The following SV2B variants were observed in gnomAD, a reference collection of about 807,000 sequenced individuals.
The protein encoded by SV2B is solute carrier family 22 member B2.
SV2B carries 41 observed loss-of-function variants against 73.9 expected under a neutral mutation model. The observed-to-expected ratio is 0.56, with a 90% CI of 0.43 to 0.72. SV2B has a LOEUF of 0.72. Among genes scored for constraint, SV2B ranks in the 30% least tolerant of loss-of-function variants. The pLI is 0.00. For missense variants in SV2B, 764 were observed against 857.8 expected, an observed-to-expected ratio of 0.89 and a Z score of 1.37; for synonymous variants, 314 against 314.2, an observed-to-expected ratio of 1.00 and a Z score of 0.01.
At chr15:91,103,707 C>T (rs560259590) in intron 1 of SV2B, among the ~76,000 whole-genome samples, 1 of 152,198 alleles carries the variant, frequency 6.6e-6, no homozygotes, top group African/African-American at 2.4e-5. Context: ...GGGCTGGATG[C>T]CTGAGAACCT....
At chr15:91,102,674 A>C (rs760449189) in intron 1 of SV2B, among the ~76,000 whole-genome samples, 1 of 152,320 alleles carries the variant, frequency 6.6e-6, no homozygotes, top group Non-Finnish European at 1.5e-5. Flanking sequence ...TGTATCAGCT[A>C]ATGAGACACT....
chr15:91,117,583 G>A (rs1055835807), intron 1 of SV2B, among the ~76,000 whole-genome samples: 2 of 152,196 alleles, frequency 1.3e-5, no homozygotes, highest in Non-Finnish European at 2.9e-5. Context: ...AGCTACCAGG[G>A]ACATATTCTT....
chr15:91,137,683 TAC>T lies in SV2B; in HGVS notation c.-392+37334_-392+37335del, dbSNP rs911748349. The stretch of plus-strand genomic sequence containing the variant: ...TATATACATATATTTCATATATATA[TAC>T]ACACACACACACATTTGCACAGGTT... On this transcript the variant is annotated intron_variant, in intron 1 of 12. Transcript: ENST00000394232. The surrounding 1 kb of genome is among the most constrained non-coding windows in gnomAD (Gnocchi z 4.9). Among the ~76,000 whole-genome samples, 152 of 148,252 alleles carry T rather than the reference TAC, an allele frequency of 1.0e-3. No individual in the cohort carries two copies. Among genetic ancestry groups the T allele is most frequent in the African/African-American group, 3.1e-3 (127 of 40,698 alleles).
intron 11 of SV2B, among the ~76,000 whole-genome samples, chr15:91,285,228 C>T (rs1201968583): frequency 6.6e-6 from 1 of 152,136 alleles, no homozygotes; most frequent in Non-Finnish European, 1.5e-5. Context: ...GCATATTCAG[C>T]GTGGTAAGCG....
chr15:91,146,767 T>C (rs1326606077), intron 1 of SV2B, among the ~76,000 whole-genome samples: 1 of 152,202 alleles, frequency 6.6e-6, no homozygotes, highest in Non-Finnish European at 1.5e-5. Flanking sequence ...CTCTGGGCTC[T>C]CTATGGGCAT....
chr15:91,241,619 G>T lies in SV2B; in HGVS notation c.452-10200G>T, dbSNP rs2047018063. 6.6e-6 allele frequency among the ~76,000 whole-genome samples: 1 copy of T among 151,690 alleles called. No homozygotes were observed. The highest frequency in any genetic ancestry group is 1.5e-5 in the Non-Finnish European group (1 of 67,790). The stretch of plus-strand genomic sequence containing the variant: ...GAGAACAACAGAAGTAACCGGAGAA[G>T]AACTTCTATAGCCCCTGTTATCACA... On this transcript the variant is annotated intron_variant, in intron 2 of 12. Coordinates refer to ENST00000394232, the MANE Select transcript of SV2B (RefSeq NM_001323032.3). The surrounding 1 kb of genome is among the most constrained non-coding windows in gnomAD (Gnocchi z 4.8).
rs975218611 is a variant in SV2B at position 91,232,625 on chromosome 15, T to C, written c.451+5911T>C. On this transcript the variant is annotated intron_variant, in intron 2 of 12. Coordinates refer to ENST00000394232, the MANE Select transcript of SV2B (RefSeq NM_001323032.3). The surrounding 1 kb of genome is among the most constrained non-coding windows in gnomAD (Gnocchi z 4.7). Reference sequence around the variant, plus strand: ...TGAATTGGTTCTGGGGTTTCTGGAATTGGCTTTCTAATCTGATTAGATTTA... The same window carrying C: ...TGAATTGGTTCTGGGGTTTCTGGAACTGGCTTTCTAATCTGATTAGATTTA... 1.4e-4 allele frequency among the ~76,000 whole-genome samples: 21 copies of C among 152,316 alleles called. No individual in the cohort carries two copies. The highest frequency in any genetic ancestry group is 4.8e-4 in the African/African-American group (20 of 41,584).
chr15:91,183,695 A>G (rs1214243234), intron 1 of SV2B, among the ~76,000 whole-genome samples: 1 of 152,262 alleles, frequency 6.6e-6, no homozygotes, highest in Non-Finnish European at 1.5e-5. Flanking sequence ...GGCATTCATC[A>G]AGATGACAAA....
chr15:91,228,662 G>A (rs958211982), intron 2 of SV2B, among the ~76,000 whole-genome samples: 8 of 152,142 alleles, frequency 5.3e-5, no homozygotes, highest in East Asian at 1.9e-4. Context: ...TGGGAGTTGC[G>A]GGAACATGGT....
chr15:91,119,689 T>A (rs957951701), intron 1 of SV2B, among the ~76,000 whole-genome samples: 5 of 152,254 alleles, frequency 3.3e-5, no homozygotes, highest in Non-Finnish European at 7.3e-5. Flanking sequence ...GTAGAAAGCT[T>A]GTTCTAGTTA....
At position 91,281,552 on chromosome 15, in the gene SV2B, C is replaced by T. The variant is rs2048681606; in HGVS notation, c.1374-176C>T. ...GACACTGGCTTCCAGGTCCTGAAGCCCTTCCCCACTAATAAACAAACAGCT... is the reference window on the plus strand; with the variant it reads ...GACACTGGCTTCCAGGTCCTGAAGCTCTTCCCCACTAATAAACAAACAGCT... On this transcript the variant is annotated intron_variant, in intron 9 of 12. Transcript: ENST00000394232. The surrounding 1 kb of genome is among the most constrained non-coding windows in gnomAD (Gnocchi z 4.7). Among the ~76,000 whole-genome samples, 1 of 152,150 alleles carries T rather than the reference C, an allele frequency of 6.6e-6. No homozygotes were observed. The highest frequency in any genetic ancestry group is 2.4e-5 in the African/African-American group (1 of 41,418).
chr15:91,256,388 A>T (rs2047690998), intron 4 of SV2B, among the ~76,000 whole-genome samples: 1 of 152,230 alleles, frequency 6.6e-6, no homozygotes, highest in African/African-American at 2.4e-5. Flanking sequence ...TAATTTGTGC[A>T]TATTATCATA....
Position 91,268,338 on chromosome 15 carries a change from G to A in SV2B, c.1209-103G>A, listed in dbSNP as rs948972008. 2.6e-6 allele frequency: 3 copies of A among 1,148,322 alleles called. No individual in the cohort carries two copies. Among genetic ancestry groups the A allele is most frequent in the African/African-American group, 3.1e-5 (2 of 63,942 alleles). The allele number at this position is 1,148,322 out of a possible 1,614,324, so 71.1% of individuals were successfully genotyped here. A position where few individuals can be genotyped will look rare whatever the true frequency, so the allele number is the denominator to read the frequency against. On this transcript the variant is annotated intron_variant, in intron 8 of 12. Transcript: ENST00000394232. This position sits in a 1 kb window ranked among gnomAD's most constrained non-coding sequence, Gnocchi z 4.4. ...TTTTCTAATAATGAACCAAATTAAT[G>A]TATTTTCAATGAGTTTGATCTGCAT...
At chr15:91,162,984 A>G (rs532410984) in intron 1 of SV2B, among the ~76,000 whole-genome samples, 14 of 150,228 alleles carry the variant, frequency 9.3e-5, no homozygotes, top group Admixed American at 2.7e-4. Flanking sequence ...TCATTGTTCA[A>G]TTCCCACCTA....
At chr15:91,166,409 T>G (rs1428056051) in intron 1 of SV2B, among the ~76,000 whole-genome samples, 2 of 152,044 alleles carry the variant, frequency 1.3e-5, no homozygotes, top group African/African-American at 4.8e-5. Flanking sequence ...TTGATTATAA[T>G]GTGTCTGGTC....
chr15:91,170,916 G>T (rs567951327), intron 1 of SV2B, among the ~76,000 whole-genome samples: 1 of 152,084 alleles, frequency 6.6e-6, no homozygotes, highest in South Asian at 2.1e-4. Flanking sequence ...AACAGGGTTT[G>T]TGACCTCCCA....
In SV2B at chr15:91,241,294, A is replaced by C. The variant is rs981958622; in HGVS notation, c.452-10525A>C. On this transcript the variant is annotated intron_variant, in intron 2 of 12. Coordinates refer to ENST00000394232, the MANE Select transcript of SV2B (RefSeq NM_001323032.3). This position sits in a 1 kb window ranked among gnomAD's most constrained non-coding sequence, Gnocchi z 4.8. ...TCACCAGCTTCCTTGCACCTCTCTT[A>C]CTCTGCTGTGTTCCCCACCCCTGGT... Among the ~76,000 whole-genome samples the C allele has an allele frequency of 3.3e-5, 5 of 151,356 alleles. No individual in the cohort carries two copies. The highest frequency in any genetic ancestry group is 9.7e-5 in the African/African-American group (4 of 41,100).
rs970397685 is a variant in SV2B, at chr15:91,293,490, G to A, written c.*938G>A. 1 of 152,214 alleles carries A rather than the reference G, an allele frequency of 6.6e-6. No homozygotes were observed. Among genetic ancestry groups the A allele is most frequent in the Non-Finnish European group, 1.5e-5 (1 of 68,028 alleles). 9.4% of individuals were successfully genotyped at this position (152,214 alleles called of 1,614,324 possible). The stretch of plus-strand genomic sequence containing the variant: ...GCACTTTTCTTTGTGCAGGTGTAGT[G>A]AGTAGTTACTTCTCTCCCTTACACA... On this transcript the variant is annotated 3_prime_UTR_variant, in exon 13 of 13. Coordinates refer to ENST00000394232, the MANE Select transcript of SV2B (RefSeq NM_001323032.3).
At position 91,299,908 on chromosome 15, in the gene SV2B, G is replaced by A. The variant is rs762634392; in HGVS notation, c.*7356G>A. The A allele has an allele frequency of 2.6e-5, 4 of 152,214 alleles. No individual in the cohort carries two copies. Among genetic ancestry groups the A allele is most frequent in the African/African-American group, 9.6e-5 (4 of 41,460 alleles). 9.4% of individuals were successfully genotyped at this position (152,214 alleles called of 1,614,324 possible). On this transcript the variant is annotated 3_prime_UTR_variant, in exon 13 of 13. Transcript: ENST00000394232. ...GATCTGCCCGCCTCAGCCTCCCAAA[G>A]TGCTGGGATTACAAATGTGAGCTAC...
Sources: allele counts gnomAD v4.1 joint callset (sites outside exome capture counted in the v4.1 genomes callset), GRCh38; gene constraint gnomAD v4.1.1; non-coding constraint Gnocchi (gnomAD v3.1); transcripts MANE v1.5; gene names NCBI Gene and HGNC (gene_info 2026-07-23, HGNC 2026-07-21).